CHRNA4: variants seen among roughly 807,000 people sequenced by gnomAD.
CHRNA4 encodes the protein neuronal acetylcholine receptor subunit alpha-4.
A neutral mutation model predicts 48.9 loss-of-function variants in CHRNA4; 28 were observed. The ratio of observed to expected loss-of-function variants is 0.57; its 90% CI spans 0.42 to 0.79. The LOEUF is 0.79. Among genes scored for constraint, CHRNA4 ranks in the 30% least tolerant of loss-of-function variants. The pLI, the probability that CHRNA4 is intolerant of heterozygous loss-of-function variation, is 0.00. For missense variants in CHRNA4, 859 were observed against 898.4 expected, an observed-to-expected ratio of 0.96 and a Z score of 0.56; for synonymous variants, 425 against 402.3, an observed-to-expected ratio of 1.06 and a Z score of -0.68.
chr20:63,351,313 G>A (rs2068612399), intron 4 of CHRNA4, among the ~76,000 whole-genome samples: 1 of 149,848 alleles, frequency 6.7e-6, no homozygotes, highest in Non-Finnish European at 1.5e-5. Context: ...TGGCGGCCTT[G>A]CCCGGGTACA....
At position 63,356,062 on chromosome 20, in the gene CHRNA4, C is replaced by A; in HGVS notation, c.296G>T (p.Arg99Leu). 1 of 1,593,356 alleles carries A rather than the reference C, an allele frequency of 6.3e-7. No individual in the cohort carries two copies. Among genetic ancestry groups the A allele is most frequent in the Non-Finnish European group, 8.5e-7 (1 of 1,172,668 alleles). ...ATTCTCATAGTCAGCTGGGTCCCAG[C>A]GCAGCTTGTAGTCGTGCCACTCCTG... ...VKQEWHDYKL[R>L]WDPADYENVT... Residue 99 changes from arginine to leucine, a missense_variant, in exon 4 of 6, where the codon CGC becomes CTC. Around this residue, in one of 3 missense-constraint regions of CHRNA4, gnomAD observed 342 missense variants for 365.3 expected, o/e 0.94. Transcript: ENST00000370263.
chr20:63,346,141 T>C lies in CHRNA4; in HGVS notation c.*597A>G. 1 of 454,068 alleles carries C rather than the reference T, an allele frequency of 2.2e-6. No homozygotes were observed. The highest frequency in any genetic ancestry group is 4.4e-6 in the Non-Finnish European group (1 of 226,772). 28.1% of individuals were successfully genotyped at this position (454,068 alleles called of 1,614,324 possible). ...CACAAGACTTGAGTTCTCACTAACTTACCCAAAACACAACCAAACACAATC... is the reference window on the plus strand; with the variant it reads ...CACAAGACTTGAGTTCTCACTAACTCACCCAAAACACAACCAAACACAATC... On this transcript the variant is annotated 3_prime_UTR_variant, in exon 6 of 6. Coordinates refer to ENST00000370263, the MANE Select transcript of CHRNA4 (RefSeq NM_000744.7).
rs796052312 is a variant in CHRNA4, at chr20:63,361,150, G to A, written c.16C>T (p.Pro6Ser). 101 of 1,480,618 alleles carry A rather than the reference G, an allele frequency of 6.8e-5. No individual in the cohort carries two copies. Among genetic ancestry groups the A allele is most frequent in the African/African-American group, 1.8e-4 (12 of 68,402 alleles). The allele number at this position is 1,480,618 out of a possible 1,614,324, so 91.7% of individuals were successfully genotyped here. ...GGCGGCAGCAGCCGCGGCGCTCCGG[G>A]GCCCCCTAGCTCCATGGCGCACGCA... Reference protein sequence around the residue: MELGGPGAPRLLPPLL... With the variant: MELGGSGAPRLLPPLL... Residue 6 changes from proline to serine, a missense_variant, in exon 1 of 6, where the codon CCC becomes TCC. Coordinates refer to ENST00000370263, the MANE Select transcript of CHRNA4 (RefSeq NM_000744.7).
In CHRNA4 at chr20:63,361,267, C is replaced by G; in HGVS notation, c.-102G>C. The G allele has an allele frequency of 7.2e-7, 1 of 1,384,258 alleles. No homozygotes were observed. Among genetic ancestry groups the G allele is most frequent in the Non-Finnish European group, 9.3e-7 (1 of 1,070,798 alleles). The allele number at this position is 1,384,258 out of a possible 1,614,324, so 85.7% of individuals were successfully genotyped here. On this transcript the variant is annotated 5_prime_UTR_variant, in exon 1 of 6. Transcript: ENST00000370263. ...TTCATGCCTCCCGCGCCTCGCGGGCCGCTTCGGCCGCCGGGCCCGGTTCGT... is the reference window on the plus strand; with the variant it reads ...TTCATGCCTCCCGCGCCTCGCGGGCGGCTTCGGCCGCCGGGCCCGGTTCGT...
chr20:63,359,868 T>TGTGTGTGTGTGTGTGTGTG (rs1568819956), intron 1 of CHRNA4, 169 bp from the exon 2 acceptor site: 10 of 71,048 alleles, frequency 1.4e-4, no homozygotes, highest in African/African-American at 6.9e-4. Context: ...GGGCGTGCGC[T>TGTGTGTGTGTGTGTGTGTG]CTGTGTGTGT....
Position 63,344,320 on chromosome 20 carries a change from C to T in CHRNA4, c.*2418G>A. The T allele has an allele frequency of 2.2e-6, 1 of 454,038 alleles. No individual in the cohort carries two copies. The highest frequency in any genetic ancestry group is 1.6e-5 in the South Asian group (1 of 64,458). 28.1% of individuals were successfully genotyped at this position (454,038 alleles called of 1,614,324 possible). On this transcript the variant is annotated 3_prime_UTR_variant, in exon 6 of 6. Coordinates refer to ENST00000370263, the MANE Select transcript of CHRNA4 (RefSeq NM_000744.7). This position sits in a 1 kb window ranked among gnomAD's most constrained non-coding sequence, Gnocchi z 4.5. The stretch of plus-strand genomic sequence containing the variant: ...TGGGGAGGGACGCCGACAGGAAGGG[C>T]TGGAGGGACCTTCTAGGGGCTGGGT...
At chr20:63,354,578 T>G in intron 4 of CHRNA4, 1 of 584,322 alleles carries the variant, frequency 1.7e-6, no homozygotes, top group Non-Finnish European at 2.0e-6. Flanking sequence ...CTGGTGAGGC[T>G]GTGGAAGTGG....
At chr20:63,361,014 C>A (rs1601498488) in intron 1 of CHRNA4, 76 bp downstream of exon 1, 4 of 1,196,426 alleles carry the variant, frequency 3.3e-6, no homozygotes, top group South Asian at 2.1e-5. Context: ...CAGGAGCCTG[C>A]CTCCCTCTGG....
In CHRNA4 at chr20:63,345,981, C is replaced by T. The variant is rs757480915; in HGVS notation, c.*757G>A. ...CGCCTGGAAGGCAGAGTCCTGGTCTCCAGACTCGCTGGGGCTGGGTGTTCC... is the reference window on the plus strand; with the variant it reads ...CGCCTGGAAGGCAGAGTCCTGGTCTTCAGACTCGCTGGGGCTGGGTGTTCC... On this transcript the variant is annotated 3_prime_UTR_variant, in exon 6 of 6. Coordinates refer to ENST00000370263, the MANE Select transcript of CHRNA4 (RefSeq NM_000744.7). This position sits in a 1 kb window ranked among gnomAD's most constrained non-coding sequence, Gnocchi z 5.4. 2 of 454,076 alleles carry T rather than the reference C, an allele frequency of 4.4e-6. No homozygotes were observed. The highest frequency in any genetic ancestry group is 1.6e-5 in the South Asian group (1 of 64,472). The allele number at this position is 454,076 out of a possible 1,614,324, so 28.1% of individuals were successfully genotyped here. A position where few individuals can be genotyped will look rare whatever the true frequency, so the allele number is the denominator to read the frequency against.
chr20:63,354,215 G>A (rs1233290826), intron 4 of CHRNA4, among the ~76,000 whole-genome samples: 1 of 110,906 alleles, frequency 9.0e-6, no homozygotes, highest in Non-Finnish European at 1.8e-5. Flanking sequence ...GGTCCTGGGG[G>A]GCTGTGGTCC....
chr20:63,355,220 G>A (rs1399248878), intron 4 of CHRNA4, among the ~76,000 whole-genome samples: 1 of 152,226 alleles, frequency 6.6e-6, no homozygotes, highest in Non-Finnish European at 1.5e-5. Context: ...CCTCGGCACA[G>A]ATCTGCAGGA....
chr20:63,351,235 C>CAT, intron 4 of CHRNA4: 1 of 381,052 alleles, frequency 2.6e-6, no homozygotes, highest in African/African-American at 3.3e-5. Context: ...CACATCCACA[C>CAT]CCACGTCCAC....
In CHRNA4 at chr20:63,350,730, G is replaced by A. The variant is rs45588436; in HGVS notation, c.681C>T (p.Ala227=). The stretch of plus-strand genomic sequence containing the variant: ...CATAGGTGATGTCCGGGTAGATCTC[G>A]GCACAGCACTCGTACTTCCTGGTGT... ...TYNTRKYECC[A]EIYPDITYAF... is the part of the protein sequence containing the mutation. The change falls in exon 5 of 6, where the codon GCC becomes GCT. Residue 227 remains alanine (A), a synonymous_variant. Coordinates refer to ENST00000370263, the MANE Select transcript of CHRNA4 (RefSeq NM_000744.7). The A allele has an allele frequency of 3.2e-5, 52 of 1,613,490 alleles. No individual in the cohort carries two copies. Among genetic ancestry groups the A allele is most frequent in the Middle Eastern group, 1.6e-4 (1 of 6,084 alleles).
rs568329035 is a variant in CHRNA4 at position 63,344,477 on chromosome 20, A to AT, written c.*2260dup. The AT allele has an allele frequency of 0.23, 100,203 of 438,768 alleles. 10,057 individuals are homozygous for AT. The highest frequency in any genetic ancestry group is 0.43 in the East Asian group (6,014 of 13,932). The allele number at this position is 438,768 out of a possible 1,614,324, so 27.2% of individuals were successfully genotyped here. ...GGTGGGAATATGGTGCTTTATTTGG[A>AT]TTTTTTTTTTGAGCCTCAAAAAAAA... On this transcript the variant is annotated 3_prime_UTR_variant, in exon 6 of 6. Coordinates refer to ENST00000370263, the MANE Select transcript of CHRNA4 (RefSeq NM_000744.7). The surrounding 1 kb of genome is among the most constrained non-coding windows in gnomAD (Gnocchi z 4.5).
At chr20:63,359,368 C>G (rs1432995013) in intron 2 of CHRNA4, 180 bp downstream of exon 2, 2 of 780,584 alleles carry the variant, frequency 2.6e-6, no homozygotes, top group African/African-American at 3.4e-5. Flanking sequence ...TCTGAATCAA[C>G]CCTTGGCTGG....
chr20:63,351,038 A>C lies in CHRNA4; in HGVS notation c.384-11T>G, dbSNP rs201015514. On this transcript the variant is annotated splice_polypyrimidine_tract_variant and intron_variant, in intron 4 of 5. Transcript: ENST00000370263. ...AAGTCCCCGTCAGCACTGGGCAGGA[A>C]GAGAGCGAAGGGTGTGAGACCCCCA... 1,144 of 1,611,430 alleles carry C rather than the reference A, an allele frequency of 7.1e-4. 10 individuals carry two copies. In the African/African-American group the frequency reaches 0.014, roughly 19 times the overall value.
intron 5 of CHRNA4, 134 bp downstream of exon 5, chr20:63,349,519 G>T: frequency 3.4e-6 from 4 of 1,162,502 alleles, no homozygotes; most frequent in Non-Finnish European, 5.0e-6. Context: ...CTGCAGCAGG[G>T]GCCACGCCCT....
At chr20:63,351,193 C>CCCCACGTCCACACCCACGCCCACGT (rs1568811707) in intron 4 of CHRNA4, 166 bp from the exon 5 acceptor site, 1 of 446,024 alleles carries the variant, frequency 2.2e-6, no homozygotes, top group African/African-American at 3.5e-5. Context: ...ATGTCCCACG[C>CCCCACGTCCACACCCACGCCCACGT]CCACATCCAC....
At chr20:63,348,716 G>C (rs372194679) in intron 5 of CHRNA4, among the ~76,000 whole-genome samples, 38 of 152,334 alleles carry the variant, frequency 2.5e-4, no homozygotes, top group Admixed American at 2.2e-3. Flanking sequence ...CTGCACAGCC[G>C]AGGCCGAGAC....
Sources: allele counts gnomAD v4.1 joint callset (sites outside exome capture counted in the v4.1 genomes callset), GRCh38; gene constraint gnomAD v4.1.1; regional missense constraint gnomAD v4.1.1; non-coding constraint Gnocchi (gnomAD v3.1); transcripts MANE v1.5; gene names NCBI Gene and HGNC (gene_info 2026-07-23, HGNC 2026-07-21).